Variants in CUX1 observed in about 807,000 individuals in gnomAD.
CUX1 encodes the protein cut like homeobox 1, also known as protein CASP.
In CUX1, 31 loss-of-function variants were observed where a neutral mutation model predicts 158.8. The observed-to-expected ratio is 0.20, with a 90% CI of 0.15 to 0.26. The LOEUF is 0.26. Ranked by LOEUF, CUX1 falls within the 10% of genes least tolerant of loss-of-function variation. CUX1 has a pLI of 1.00. For synonymous variants in CUX1, 879 were observed against 862.1 expected (o/e 1.02, Z -0.34); for missense variants, 1,589 against 2,014.6 (o/e 0.79, Z 4.04).
chr7:101,859,702 T>C (rs898547677), intron 1 of CUX1, among the ~76,000 whole-genome samples: 4 of 152,174 alleles, frequency 2.6e-5, no homozygotes, highest in African/African-American at 9.7e-5. Context: ...TTGAATATGT[T>C]CCCTCTTCTT....
chr7:102,029,093 A>G (rs1396205996), intron 3 of CUX1, among the ~76,000 whole-genome samples: 4 of 149,678 alleles, frequency 2.7e-5, no homozygotes, highest in African/African-American at 7.4e-5. Flanking sequence ...CCCAGGTTCA[A>G]GTGATTCTCC....
Position 102,115,251 on chromosome 7 carries a change from T to C in CUX1, c.652T>C (p.Tyr218His). 6.2e-7 allele frequency: 1 copy of C among 1,610,766 alleles called. No homozygotes were observed. Among genetic ancestry groups the C allele is most frequent in the South Asian group, 1.1e-5 (1 of 90,328 alleles). ...AGAATTATTTGACCTGAAAACCAAA[T>C]ACGATGAAGAAACTACTGCAAAGTA... ...RTELFDLKTKYDEETTAKADE... is the reference protein window; with the variant it reads ...RTELFDLKTKHDEETTAKADE... The change falls in exon 8 of 24, where the codon TAC becomes CAC. Residue 218 changes from tyrosine (Y) to histidine (H), a missense_variant. Coordinates refer to ENST00000292535, the MANE Select transcript of CUX1 (RefSeq NM_181552.4).
intron 1 of CUX1, among the ~76,000 whole-genome samples, chr7:101,834,226 T>C (rs964414325): frequency 7.3e-6 from 1 of 137,360 alleles, no homozygotes; most frequent in Non-Finnish European, 1.5e-5. Flanking sequence ...CAGGCTGGAG[T>C]GCAGTGGCAC....
At chr7:102,275,392 T>G (rs1554547547) in intron 17 of CUX1, 1 of 1,548,632 alleles carries the variant, frequency 6.5e-7, no homozygotes, top group Non-Finnish European at 8.9e-7. Flanking sequence ...TGATGCTCCT[T>G]GGGCCCAAGG....
Position 102,201,182 on chromosome 7 carries a change from G to T in CUX1, c.2063-178G>T, listed in dbSNP as rs1795394696. Among the ~76,000 whole-genome samples the T allele has an allele frequency of 6.6e-6, 1 of 152,006 alleles. No individual in the cohort carries two copies. The highest frequency in any genetic ancestry group is 6.6e-5 in the Admixed American group (1 of 15,246). On this transcript the variant is annotated intron_variant, in intron 17 of 23. Transcript: ENST00000292535. This position sits in a 1 kb window ranked among gnomAD's most constrained non-coding sequence, Gnocchi z 5.0. ...CATCAAGCTGTAGTGTCAGGCCCTG[G>T]TCCTTGGTTGAGACAAGATGCCTGA... is the stretch of plus-strand genomic sequence containing the variant.
At chr7:102,122,781 C>T (rs927363177) in intron 8 of CUX1, among the ~76,000 whole-genome samples, 2 of 152,190 alleles carry the variant, frequency 1.3e-5, no homozygotes, top group Non-Finnish European at 2.9e-5. Context: ...CTTTACTCCT[C>T]TCCTTCATTG....
chr7:101,832,620 C>T (rs1794173548), intron 1 of CUX1, among the ~76,000 whole-genome samples: 1 of 152,192 alleles, frequency 6.6e-6, no homozygotes, highest in Non-Finnish European at 1.5e-5. Context: ...GTCTGTAATC[C>T]TTTGTAATTC....
At chr7:102,070,046 A>C (rs1825956753) in intron 3 of CUX1, among the ~76,000 whole-genome samples, 1 of 152,178 alleles carries the variant, frequency 6.6e-6, no homozygotes, top group South Asian at 2.1e-4. Flanking sequence ...CAGCATTTGG[A>C]GAAGACAAAA....
intron 1 of CUX1, among the ~76,000 whole-genome samples, chr7:101,854,511 T>C (rs1435595849): frequency 1.3e-5 from 2 of 152,118 alleles, no homozygotes; most frequent in African/African-American, 4.8e-5. Flanking sequence ...TGGCGAGAAC[T>C]TCCTAAGTTC....
chr7:101,876,588 A>G (rs1409048258), intron 1 of CUX1, among the ~76,000 whole-genome samples: 1 of 150,812 alleles, frequency 6.6e-6, no homozygotes, highest in Admixed American at 6.6e-5. Context: ...CCAGCTACTC[A>G]GGAGGCTGAG....
At chr7:101,870,154 T>TG (rs1306233297) in intron 1 of CUX1, among the ~76,000 whole-genome samples, 23 of 71,864 alleles carry the variant, frequency 3.2e-4, no homozygotes, top group African/African-American at 1.2e-3. Flanking sequence ...GTTTTTTTTG[T>TG]TTTTTTTTTT....
chr7:102,044,414 T>G (rs1173461374), intron 3 of CUX1, among the ~76,000 whole-genome samples: 1 of 151,978 alleles, frequency 6.6e-6, no homozygotes, highest in Non-Finnish European at 1.5e-5. Flanking sequence ...GGTCTCGAAC[T>G]CCTGACCTCA....
chr7:102,027,665 C>T (rs1045901663), intron 2 of CUX1, among the ~76,000 whole-genome samples: 6 of 152,050 alleles, frequency 3.9e-5, no homozygotes, highest in African/African-American at 1.4e-4. Flanking sequence ...GTTTGACCCT[C>T]GCCTGGACGA....
intron 2 of CUX1, among the ~76,000 whole-genome samples, chr7:101,943,900 CTTGAGCCCAGGAGT>C (rs1307414751): frequency 6.6e-6 from 1 of 151,040 alleles, no homozygotes; most frequent in Non-Finnish European, 1.5e-5. Context: ...GGAGGATCGC[CTTGAGCCCAGGAGT>C]TTGAGACCAG....
At chr7:102,139,007 G>A (rs1172730643) in intron 8 of CUX1, among the ~76,000 whole-genome samples, 1 of 152,120 alleles carries the variant, frequency 6.6e-6, no homozygotes, top group Non-Finnish European at 1.5e-5. Context: ...CACTTTGGGA[G>A]ATCAAGGCAG....
chr7:102,184,061 C>T lies in CUX1; in HGVS notation c.1017+5404C>T, dbSNP rs183540871. Among the ~76,000 whole-genome samples the T allele has an allele frequency of 9.7e-4, 147 of 152,154 alleles. 1 individual carries two copies. Among genetic ancestry groups the T allele is most frequent in the South Asian group, 5.6e-3 (27 of 4,816 alleles). On this transcript the variant is annotated intron_variant, in intron 11 of 23. Coordinates refer to ENST00000292535, the MANE Select transcript of CUX1 (RefSeq NM_181552.4). ...TACAGGCACACGCCACCACACCCGGCGAATTTTTATATCTTTTGTAGAGAT... is the reference window on the plus strand; with the variant it reads ...TACAGGCACACGCCACCACACCCGGTGAATTTTTATATCTTTTGTAGAGAT...
At chr7:102,063,903 A>G (rs1418323297) in intron 3 of CUX1, among the ~76,000 whole-genome samples, 4 of 152,158 alleles carry the variant, frequency 2.6e-5, no homozygotes, top group Non-Finnish European at 5.9e-5. Context: ...AGGCAGCCTT[A>G]TCTGTCATCC....
At chr7:102,128,708 C>T (rs1043160804) in intron 8 of CUX1, among the ~76,000 whole-genome samples, 4 of 151,770 alleles carry the variant, frequency 2.6e-5, no homozygotes, top group African/African-American at 4.8e-5. Flanking sequence ...AAAAGAATGC[C>T]ACGCCTCACC....
At chr7:101,911,020 A>C (rs1031172259) in intron 1 of CUX1, among the ~76,000 whole-genome samples, 3 of 152,264 alleles carry the variant, frequency 2.0e-5, no homozygotes, top group African/African-American at 7.2e-5. Flanking sequence ...GGAAAACAGG[A>C]TTCCAGCTAT....
Sources: allele counts gnomAD v4.1 joint callset (sites outside exome capture counted in the v4.1 genomes callset), GRCh38; gene constraint gnomAD v4.1.1; non-coding constraint Gnocchi (gnomAD v3.1); transcripts MANE v1.5; gene names NCBI Gene and HGNC (gene_info 2026-07-23, HGNC 2026-07-21).